The following GRM7 variants were observed in gnomAD, a reference collection of about 807,000 sequenced individuals.
GRM7 encodes metabotropic glutamate receptor 7.
A neutral mutation model predicts 84.5 loss-of-function variants in GRM7; 35 were observed. That is an observed-to-expected ratio of 0.41 (90% CI 0.32 to 0.55). The LOEUF (loss-of-function observed/expected upper bound fraction) is 0.55. Among genes scored for constraint, GRM7 ranks in the 20% least tolerant of loss-of-function variants. The probability of loss-of-function intolerance (pLI) is 0.19; values close to 1 mark genes in which losing one functional copy is unlikely to be tolerated. For synonymous variants in GRM7, 487 were observed against 455.1 expected, an observed-to-expected ratio of 1.07 and a Z score of -0.89; for missense variants, 1,003 against 1,194.6, an observed-to-expected ratio of 0.84 and a Z score of 2.36.
intron 5 of GRM7, among the ~76,000 whole-genome samples, chr3:7,450,466 A>G (rs1358370015): frequency 1.3e-5 from 2 of 152,178 alleles, no homozygotes; most frequent in Non-Finnish European, 2.9e-5. Context: ...GAACATGAAA[A>G]ACACATACAG....
chr3:7,312,527 T>G (rs1700437034), intron 4 of GRM7, among the ~76,000 whole-genome samples: 1 of 152,164 alleles, frequency 6.6e-6, no homozygotes, highest in Non-Finnish European at 1.5e-5. Context: ...TGTAGCTTGG[T>G]GAAATTCCAG....
chr3:7,429,390 A>T (rs1221228480), intron 5 of GRM7, among the ~76,000 whole-genome samples: 3 of 152,186 alleles, frequency 2.0e-5, no homozygotes, highest in African/African-American at 7.2e-5. Flanking sequence ...CCGTTTTCTG[A>T]AAGCACTCTA....
chr3:7,157,751 A>G (rs1694500140), intron 2 of GRM7, among the ~76,000 whole-genome samples: 1 of 151,616 alleles, frequency 6.6e-6, no homozygotes, highest in African/African-American at 2.4e-5. Flanking sequence ...AATTCCTCCA[A>G]GCACCCTGTG....
At chr3:7,684,650 C>T (rs550138830) in intron 9 of GRM7, among the ~76,000 whole-genome samples, 1 of 152,174 alleles carries the variant, frequency 6.6e-6, no homozygotes, top group Non-Finnish European at 1.5e-5. Flanking sequence ...TAATTATCCT[C>T]TTAGTTTGCT....
chr3:7,250,203 T>A (rs1697927806), intron 2 of GRM7, among the ~76,000 whole-genome samples: 1 of 151,972 alleles, frequency 6.6e-6, no homozygotes, highest in Admixed American at 6.6e-5. Flanking sequence ...AAATAAAAAA[T>A]AAAAAACCAA....
At chr3:7,336,112 A>G (rs1022791882) in intron 4 of GRM7, among the ~76,000 whole-genome samples, 14 of 152,020 alleles carry the variant, frequency 9.2e-5, no homozygotes, top group African/African-American at 2.9e-4. Flanking sequence ...ACAGACCAAT[A>G]TCCCTGATGA....
intron 2 of GRM7, among the ~76,000 whole-genome samples, chr3:7,257,906 T>C (rs1400404254): frequency 6.6e-6 from 1 of 152,166 alleles, no homozygotes; most frequent in Admixed American, 6.5e-5. Flanking sequence ...CCTCAAGAAA[T>C]TGCAGGGAAT....
chr3:7,302,231 T>A (rs1700027051), intron 3 of GRM7, among the ~76,000 whole-genome samples: 1 of 152,182 alleles, frequency 6.6e-6, no homozygotes, highest in South Asian at 2.1e-4. Context: ...CACTCAGAGA[T>A]AACTGCTAAT....
chr3:7,476,327 A>C (rs13323205), intron 7 of GRM7, among the ~76,000 whole-genome samples: 62,544 of 152,000 alleles, frequency 0.41, 14,479 homozygotes, highest in African/African-American at 0.64. Flanking sequence ...GCGGGAGGAT[A>C]ACAAGGTCAG....
At chr3:7,139,842 TTC>T (rs1693890589) in intron 1 of GRM7, among the ~76,000 whole-genome samples, 1 of 151,974 alleles carries the variant, frequency 6.6e-6, no homozygotes, top group Admixed American at 6.6e-5. Flanking sequence ...ACTAAAAAGT[TTC>T]TGTATAGCAA....
intron 2 of GRM7, among the ~76,000 whole-genome samples, chr3:7,277,391 A>T (rs1207331351): frequency 2.6e-5 from 4 of 151,982 alleles, no homozygotes; most frequent in Non-Finnish European, 5.9e-5. Flanking sequence ...TAATGGTCAA[A>T]TTTTATCAAG....
At chr3:7,195,130 T>G (rs183745682) in intron 2 of GRM7, among the ~76,000 whole-genome samples, 24 of 152,280 alleles carry the variant, frequency 1.6e-4, no homozygotes, top group Non-Finnish European at 1.3e-4. Flanking sequence ...AAAATATACA[T>G]GATGATGATA....
intron 8 of GRM7, among the ~76,000 whole-genome samples, chr3:7,653,611 A>G (rs1699054952): frequency 6.6e-6 from 1 of 152,202 alleles, no homozygotes; most frequent in South Asian, 2.1e-4. Flanking sequence ...ATGGCTGGTT[A>G]GTCTCATTAA....
Position 7,146,546 on chromosome 3 carries a change from A to C in GRM7, c.614A>C (p.Gln205Pro), listed in dbSNP as rs773624598. 6.2e-7 allele frequency: 1 copy of C among 1,613,816 alleles called. No homozygotes were observed. Among genetic ancestry groups the C allele is most frequent in the Non-Finnish European group, 8.5e-7 (1 of 1,179,930 alleles). Residue 205 changes from glutamine (Q) to proline (P), a missense_variant, in exon 2 of 10, where the codon CAA becomes CCA. Around this residue, in one of 2 missense-constraint regions of GRM7, gnomAD observed 910 missense variants for 1,126.0 expected, o/e 0.81. Coordinates refer to ENST00000357716, the MANE Select transcript of GRM7 (RefSeq NM_000844.4). Reference sequence around the variant, plus strand: ...CGCGTGGTGCCACCCGATTCCTTCCAAGCCCAGGCCATGGTAGACATTGTA... The same window carrying C: ...CGCGTGGTGCCACCCGATTCCTTCCCAGCCCAGGCCATGGTAGACATTGTA... The part of the protein sequence containing the change: ...FSRVVPPDSF[Q>P]AQAMVDIVKA...
chr3:7,322,209 A>G, intron 4 of GRM7, among the ~76,000 whole-genome samples: 1 of 152,102 alleles, frequency 6.6e-6, no homozygotes, highest in East Asian at 1.9e-4. Context: ...CGCTTATAAT[A>G]TGCCAGGTAT....
Position 7,360,516 on chromosome 3 carries a change from G to T in GRM7, c.1033+53864G>T, listed in dbSNP as rs114587054. 3.8e-3 allele frequency among the ~76,000 whole-genome samples: 580 copies of T among 152,138 alleles called. 1 individual carries two copies. Among genetic ancestry groups the T allele is most frequent in the African/African-American group, 0.014 (561 of 41,536 alleles). The stretch of plus-strand genomic sequence containing the variant: ...TTCTATAAAACGGTATTTTTTGGTT[G>T]TAGATGGAAAATATTTTTCAAGTAT... On this transcript the variant is annotated intron_variant, in intron 4 of 9. Transcript: ENST00000357716.
At chr3:7,392,666 C>G (rs1344222884) in intron 4 of GRM7, among the ~76,000 whole-genome samples, 1 of 152,168 alleles carries the variant, frequency 6.6e-6, no homozygotes, top group Non-Finnish European at 1.5e-5. Flanking sequence ...TGTAGAAGAG[C>G]CTGGTTTCCC....
At chr3:7,160,429 G>A (rs1232027374) in intron 2 of GRM7, among the ~76,000 whole-genome samples, 1 of 152,044 alleles carries the variant, frequency 6.6e-6, no homozygotes. Flanking sequence ...TCCTTGTTTT[G>A]GCTCCTTTTC....
At chr3:7,302,786 CT>C (rs564116315) in intron 3 of GRM7, among the ~76,000 whole-genome samples, 2 of 149,904 alleles carry the variant, frequency 1.3e-5, no homozygotes, top group East Asian at 1.9e-4. Flanking sequence ...GATGTATTGT[CT>C]TTTTTTTTAA....
Sources: gnomAD v4.1 joint callset for allele counts (sites outside exome capture counted in the v4.1 genomes callset) on GRCh38, gnomAD v4.1.1 for gene constraint, gnomAD v4.1.1 regional missense constraint, MANE v1.5 for transcripts, NCBI Gene and HGNC (gene_info 2026-07-23, HGNC 2026-07-21) for gene names.